INSYN2B: variants seen among roughly 807,000 people sequenced by gnomAD.
The protein encoded by INSYN2B is inhibitory synaptic factor family member 2B, also known as protein INSYN2B.
INSYN2B carries 16 observed loss-of-function variants against 41.2 expected under a neutral mutation model. That is an observed-to-expected ratio of 0.39 (90% CI 0.26 to 0.59). The LOEUF is 0.59. Among genes scored for constraint, INSYN2B ranks in the 20% least tolerant of loss-of-function variants. The pLI is 0.57. For synonymous variants in INSYN2B, 245 were observed against 244.4 expected, an observed-to-expected ratio of 1.00 and a Z score of -0.02; for missense variants, 608 against 646.4, an observed-to-expected ratio of 0.94 and a Z score of 0.64.
At chr5:169,902,362 A>G (rs1034962236) in intron 1 of INSYN2B, among the ~76,000 whole-genome samples, 15 of 152,200 alleles carry the variant, frequency 9.9e-5, no homozygotes, top group African/African-American at 3.6e-4. Flanking sequence ...AGTGAGCCAC[A>G]TTTTAGAAAG....
chr5:169,967,317 T>C (rs965776754), intron 1 of INSYN2B, among the ~76,000 whole-genome samples: 2 of 152,186 alleles, frequency 1.3e-5, no homozygotes, highest in Admixed American at 1.3e-4. Flanking sequence ...TAGAGGTGAC[T>C]ATGTCAATTG....
At chr5:169,891,318 C>T (rs1773266842) in intron 1 of INSYN2B, among the ~76,000 whole-genome samples, 2 of 152,176 alleles carry the variant, frequency 1.3e-5, no homozygotes, top group Admixed American at 1.3e-4. Flanking sequence ...TATTATCTGT[C>T]TCTGCTCCCA....
chr5:169,971,813 A>C (rs1777518062), intron 1 of INSYN2B, among the ~76,000 whole-genome samples: 1 of 152,202 alleles, frequency 6.6e-6, no homozygotes, highest in Admixed American at 6.5e-5. Flanking sequence ...AGGCCCTTCC[A>C]TATTCTTCCC....
intron 3 of INSYN2B, among the ~76,000 whole-genome samples, chr5:169,871,628 C>T (rs1049939284): frequency 6.6e-6 from 1 of 152,186 alleles, no homozygotes; most frequent in Non-Finnish European, 1.5e-5. Context: ...AAAGCTTCTA[C>T]ACTAAGATGC....
chr5:169,978,490 C>G (rs1777816369), intron 1 of INSYN2B, among the ~76,000 whole-genome samples: 1 of 149,738 alleles, frequency 6.7e-6, no homozygotes, highest in Admixed American at 6.7e-5. Context: ...TTGTCAATAT[C>G]ATGATGATGA....
chr5:169,899,935 AG>A, intron 1 of INSYN2B, among the ~76,000 whole-genome samples: 1 of 152,308 alleles, frequency 6.6e-6, no homozygotes, highest in East Asian at 1.9e-4. Flanking sequence ...ACTGATTTTC[AG>A]TTATGTCATT....
In INSYN2B at chr5:169,883,273, T is replaced by C. The variant is rs866607666; in HGVS notation, c.626A>G (p.Tyr209Cys). The change falls in exon 2 of 4, where the codon TAT (tyrosine) becomes TGT (cysteine). Residue 209 changes from tyrosine to cysteine, a missense_variant. Tyr to Cys is a radical substitution (Grantham distance 194, BLOSUM62 -2). Transcript: ENST00000377365. ...TCTAGCTTCCCAGGAAGGACTGTGA[T>C]AAATATCATCTGGAACCTGAATGGC... ...TAAIQVPDDIYHSPSWEARES... is the reference protein window; with the variant it reads ...TAAIQVPDDICHSPSWEARES... 3.9e-6 allele frequency: 6 copies of C among 1,551,620 alleles called. No homozygotes were observed. Among genetic ancestry groups the C allele is most frequent in the Non-Finnish European group, 4.4e-6 (5 of 1,146,948 alleles).
At chr5:169,955,390 GGA>G (rs139569428) in intron 1 of INSYN2B, among the ~76,000 whole-genome samples, 11 of 151,626 alleles carry the variant, frequency 7.3e-5, no homozygotes, top group African/African-American at 1.9e-4. Flanking sequence ...TTAAAGGAAG[GGA>G]GAGAGAGAGA....
chr5:169,971,035 C>A (rs1443800248), intron 1 of INSYN2B, among the ~76,000 whole-genome samples: 14 of 152,106 alleles, frequency 9.2e-5, no homozygotes, highest in Admixed American at 9.2e-4. Flanking sequence ...GCTGTGTCAC[C>A]TTTATTAATG....
chr5:169,938,203 G>A (rs1198109467), intron 1 of INSYN2B, among the ~76,000 whole-genome samples: 2 of 151,620 alleles, frequency 1.3e-5, no homozygotes, highest in Admixed American at 6.6e-5. Flanking sequence ...CCACCTTAAA[G>A]AAATCTTTCT....
rs116130436 is a variant in INSYN2B at position 169,964,038 on chromosome 5, G to A, written c.-919+16239C>T. 4.0e-3 allele frequency among the ~76,000 whole-genome samples: 614 copies of A among 152,202 alleles called. 2 individuals carry two copies. Among genetic ancestry groups the A allele is most frequent in the African/African-American group, 0.014 (592 of 41,510 alleles). On this transcript the variant is annotated intron_variant, in intron 1 of 3. Coordinates refer to ENST00000377365, the MANE Select transcript of INSYN2B (RefSeq NM_001129891.3). Reference sequence around the variant, plus strand: ...GTGGCAGGATTGGGGGAGGGAGAAGGGGGAGGAGAATTAAAGAAAGGTTGA... The same window carrying A: ...GTGGCAGGATTGGGGGAGGGAGAAGAGGGAGGAGAATTAAAGAAAGGTTGA...
intron 1 of INSYN2B, among the ~76,000 whole-genome samples, chr5:169,885,646 A>G (rs1772929114): frequency 6.6e-6 from 1 of 152,226 alleles, no homozygotes; most frequent in Non-Finnish European, 1.5e-5. Context: ...CTTTACATGC[A>G]TTAATTAAAA....
chr5:169,866,754 C>T (rs991988030), intron 3 of INSYN2B, among the ~76,000 whole-genome samples: 2 of 152,174 alleles, frequency 1.3e-5, no homozygotes, highest in African/African-American at 2.4e-5. Flanking sequence ...TCAGGAGTCT[C>T]TATTTCAGGA....
At chr5:169,869,416 C>T (rs1285766142) in intron 3 of INSYN2B, among the ~76,000 whole-genome samples, 3 of 152,112 alleles carry the variant, frequency 2.0e-5, no homozygotes, top group East Asian at 3.8e-4. Context: ...GTGTGTGCTT[C>T]GGAAAGAAAT....
intron 3 of INSYN2B, among the ~76,000 whole-genome samples, chr5:169,876,515 G>T (rs1772343754): frequency 6.6e-6 from 1 of 152,204 alleles, no homozygotes; most frequent in Non-Finnish European, 1.5e-5. Flanking sequence ...CTACAGTCAG[G>T]ACAGAAGTCC....
chr5:169,963,418 C>A (rs1256395188), intron 1 of INSYN2B, among the ~76,000 whole-genome samples: 1 of 152,178 alleles, frequency 6.6e-6, no homozygotes, highest in African/African-American at 2.4e-5. Flanking sequence ...ATACAAAAGT[C>A]CCTGGGGACC....
In INSYN2B at chr5:169,868,615, A is replaced by G. The variant is rs892079517; in HGVS notation, c.1422-4156T>C. 2.6e-5 allele frequency among the ~76,000 whole-genome samples: 4 copies of G among 152,060 alleles called. No individual in the cohort carries two copies. The East Asian group carries it at 5.8e-4, about 22-fold the overall frequency. On this transcript the variant is annotated intron_variant, in intron 3 of 3. Coordinates refer to ENST00000377365, the MANE Select transcript of INSYN2B (RefSeq NM_001129891.3). The stretch of plus-strand genomic sequence containing the variant: ...CTCTACAAAAAGTAAAAAATTAGCC[A>G]TGTGTGGTGGTGTGCAACTGTGATC...
chr5:169,906,227 G>T (rs1016022932), intron 1 of INSYN2B, among the ~76,000 whole-genome samples: 1 of 152,124 alleles, frequency 6.6e-6, no homozygotes, highest in Non-Finnish European at 1.5e-5. Flanking sequence ...GACGTCAAAC[G>T]CAAGCTTTAC....
intron 1 of INSYN2B, among the ~76,000 whole-genome samples, chr5:169,942,702 G>C (rs922383752): frequency 6.6e-6 from 1 of 152,152 alleles, no homozygotes; most frequent in African/African-American, 2.4e-5. Flanking sequence ...AGAAATAGAG[G>C]ACACAGCTCC....
Sources: gnomAD v4.1 joint callset for allele counts (sites outside exome capture counted in the v4.1 genomes callset) on GRCh38, gnomAD v4.1.1 for gene constraint, MANE v1.5 for transcripts, NCBI Gene and HGNC (gene_info 2026-07-23, HGNC 2026-07-21) for gene names.